Variants in BCCIP observed in about 807,000 individuals in gnomAD.
The protein encoded by BCCIP is BRCA2 and CDKN1A-interacting protein.
BCCIP carries 23 observed loss-of-function variants against 32.8 expected under a neutral mutation model. The observed-to-expected ratio is 0.70, with a 90% CI of 0.51 to 0.99. The LOEUF (loss-of-function observed/expected upper bound fraction) is 0.99, where lower values mean the gene tolerates loss of function less well. Ranked by LOEUF, BCCIP falls within the 50% of genes least tolerant of loss-of-function variation. BCCIP has a pLI of 0.00. For synonymous variants in BCCIP, 144 were observed against 137.6 expected (o/e 1.05, Z -0.33); for missense variants, 378 against 379.8 (o/e 1.00, Z 0.04).
chr10:125,826,721 C>T (rs978842510), intron 2 of BCCIP, 56 bp downstream of exon 2: 10 of 1,597,744 alleles, frequency 6.3e-6, no homozygotes, highest in Admixed American at 3.4e-5. Context: ...AATCAGGGGC[C>T]GGGTGCAGTG....
chr10:125,853,067 C>A, intron 7 of BCCIP: 1 of 1,261,108 alleles, frequency 7.9e-7, no homozygotes, highest in Non-Finnish European at 1.1e-6. Flanking sequence ...CTGAGAGTTC[C>A]AATCATAACA....
chr10:125,826,125 C>A, intron 1 of BCCIP: 1 of 159,126 alleles, frequency 6.3e-6, no homozygotes, highest in Non-Finnish European at 1.4e-5. Context: ...TTCCTTAATG[C>A]CTATATTCCT....
At chr10:125,845,431 AG>A (rs1292640394), downstream of BCCIP, among the ~76,000 whole-genome samples, 3 of 152,232 alleles carry the variant, frequency 2.0e-5, no homozygotes, top group Non-Finnish European at 2.9e-5. Context: ...ACTTTCCTAC[AG>A]GTAAAAGTTT....
downstream of BCCIP, among the ~76,000 whole-genome samples, chr10:125,839,530 A>G (rs1317649158): frequency 6.6e-6 from 1 of 152,242 alleles, no homozygotes; most frequent in Admixed American, 6.5e-5. Flanking sequence ...TGTAAGATCT[A>G]TGTTGTGTCT....
At chr10:125,826,497 C>T (rs995260824) in intron 1 of BCCIP, 94 bp from the exon 2 acceptor site, 1 of 1,556,860 alleles carries the variant, frequency 6.4e-7, no homozygotes. Flanking sequence ...GCTTTGTATT[C>T]TTCACAGATG....
At chr10:125,852,376 T>C in intron 7 of BCCIP, 1 of 1,614,230 alleles carries the variant, frequency 6.2e-7, no homozygotes, top group Non-Finnish European at 8.5e-7. Flanking sequence ...TAGGTTGGCT[T>C]CCTGCATTTC....
chr10:125,841,765 T>C, exon 7 of BCCIP: 2 of 1,610,488 alleles, frequency 1.2e-6, no homozygotes, highest in East Asian at 2.2e-5. Context: ...CTGCGATTGT[T>C]AGCACTTCAT....
chr10:125,842,841 G>A, downstream of BCCIP: 1 of 906,260 alleles, frequency 1.1e-6, no homozygotes, highest in Non-Finnish European at 1.3e-6. Flanking sequence ...TTAAGTTTAT[G>A]TAACATCGAT....
downstream of BCCIP, among the ~76,000 whole-genome samples, chr10:125,837,008 A>C (rs1288545705): frequency 6.6e-6 from 1 of 152,208 alleles, no homozygotes; most frequent in African/African-American, 2.4e-5. Context: ...CGACTTTGTA[A>C]AATAAATACT....
chr10:125,826,437 T>C, intron 1 of BCCIP, 154 bp from the exon 2 acceptor site: 1 of 1,136,954 alleles, frequency 8.8e-7, no homozygotes, highest in Non-Finnish European at 1.2e-6. Context: ...TTACTCTGAG[T>C]GTTTTGTTTT....
At chr10:125,852,747 C>T in intron 7 of BCCIP, 1 of 998,662 alleles carries the variant, frequency 1.0e-6, no homozygotes, top group Non-Finnish European at 1.5e-6. Flanking sequence ...CCATGAAATG[C>T]ACTGCCACAG....
chr10:125,841,002 A>T, downstream of BCCIP: 2 of 1,592,264 alleles, frequency 1.3e-6, no homozygotes, highest in Non-Finnish European at 1.7e-6. Flanking sequence ...TGGAGCTTCA[A>T]AATGAAAAAG....
Position 125,836,379 on chromosome 10 carries a change from C to T in BCCIP, c.*105C>T. On this transcript the variant is annotated 3_prime_UTR_variant, in exon 7 of 7. Coordinates refer to ENST00000278100, the MANE Select transcript of BCCIP (RefSeq NM_078468.3). The stretch of plus-strand genomic sequence containing the variant: ...ACTTTATTCAGATTAAGTTCCTCTA[C>T]AAAAAGTAGGGTTCTGTCCCATGTG... The T allele has an allele frequency of 6.4e-7, 1 of 1,561,242 alleles. No individual in the cohort carries two copies. Among genetic ancestry groups the T allele is most frequent in the Non-Finnish European group, 8.6e-7 (1 of 1,156,958 alleles).
downstream of BCCIP, chr10:125,841,223 A>C (rs779377822): frequency 1.6e-5 from 25 of 1,598,738 alleles, 1 homozygote; most frequent in African/African-American, 2.7e-5. Context: ...GGTCAACTGA[A>C]TATGGTTAAT....
chr10:125,845,325 A>T (rs1373212067), downstream of BCCIP, among the ~76,000 whole-genome samples: 4 of 152,246 alleles, frequency 2.6e-5, no homozygotes, highest in Non-Finnish European at 1.5e-5. Context: ...TCTTTGGCCT[A>T]CTTTCTGCCT....
At chr10:125,826,382 G>A (rs1019926424) in intron 1 of BCCIP, 18 of 670,936 alleles carry the variant, frequency 2.7e-5, no homozygotes, top group Admixed American at 2.4e-4. Context: ...TGTGGCTGCC[G>A]TGTCTGGTTT....
chr10:125,840,367 C>T (rs533329630), downstream of BCCIP, among the ~76,000 whole-genome samples: 32 of 152,372 alleles, frequency 2.1e-4, no homozygotes, highest in South Asian at 6.2e-3. Flanking sequence ...GCTCCGTCAG[C>T]AACTCTGCAG....
At chr10:125,835,676 C>T (rs756746151) in intron 6 of BCCIP, among the ~76,000 whole-genome samples, 1 of 151,986 alleles carries the variant, frequency 6.6e-6, no homozygotes, top group Non-Finnish European at 1.5e-5. Context: ...TTTAAGATGG[C>T]GGGGTATGCA....
chr10:125,849,758 T>TA (rs1564825521), intron 7 of BCCIP, among the ~76,000 whole-genome samples: 1 of 152,206 alleles, frequency 6.6e-6, no homozygotes, highest in Non-Finnish European at 1.5e-5. Context: ...TAGTAAATGT[T>TA]ACGTTAACAT....
Sources: allele counts gnomAD v4.1 joint callset (sites outside exome capture counted in the v4.1 genomes callset), GRCh38; gene constraint gnomAD v4.1.1; transcripts MANE v1.5; gene names NCBI Gene and HGNC (gene_info 2026-07-23, HGNC 2026-07-21).